Variants in HDGF observed in about 807,000 individuals in gnomAD.
HDGF encodes heparin binding growth factor.
HDGF carries 5 observed loss-of-function variants against 30.0 expected under a neutral mutation model. The ratio of observed to expected loss-of-function variants is 0.17; its 90% CI spans 0.09 to 0.35. The LOEUF (loss-of-function observed/expected upper bound fraction) is 0.35, where lower values mean the gene tolerates loss of function less well. Among genes scored for constraint, HDGF ranks in the 10% least tolerant of loss-of-function variants. The pLI is 1.00. For missense variants in HDGF, 214 were observed against 302.8 expected (o/e 0.71, Z 2.18); for synonymous variants, 133 against 112.7 (o/e 1.18, Z -1.14).
chr1:156,761,839 C>A (rs372396007), intron 1 of HDGF, among the ~76,000 whole-genome samples: 4 of 133,676 alleles, frequency 3.0e-5, no homozygotes, highest in African/African-American at 8.6e-5. Context: ...CCCAGCTACT[C>A]GGGAGGCTGA....
At chr1:156,753,114 T>C (rs1331213476), upstream of HDGF, among the ~76,000 whole-genome samples, 2 of 152,242 alleles carry the variant, frequency 1.3e-5, no homozygotes, top group African/African-American at 4.8e-5. Context: ...AGGGGATGCC[T>C]GCAGTTGTTC....
intron 4 of HDGF, 85 bp downstream of exon 4, chr1:156,744,078 C>A: frequency 7.0e-7 from 1 of 1,420,464 alleles, no homozygotes; most frequent in Admixed American, 1.7e-5. Context: ...TCAGACTGGG[C>A]ACCCCTGAGG....
chr1:156,757,048 C>A (rs1380960870), upstream of HDGF, among the ~76,000 whole-genome samples: 2 of 152,102 alleles, frequency 1.3e-5, no homozygotes, highest in African/African-American at 4.8e-5. Context: ...CTCCCTCAGC[C>A]TCCCAAAGTG....
upstream of HDGF, among the ~76,000 whole-genome samples, chr1:156,767,099 G>T (rs1039853865): frequency 3.3e-5 from 5 of 152,144 alleles, no homozygotes; most frequent in Non-Finnish European, 7.3e-5. Context: ...TTCATTTACA[G>T]ATCACTTTGC....
chr1:156,747,866 C>T (rs774106531), intron 1 of HDGF, among the ~76,000 whole-genome samples: 36 of 152,134 alleles, frequency 2.4e-4, no homozygotes, highest in Non-Finnish European at 3.8e-4. Flanking sequence ...GCCACCGTCT[C>T]GTGCCACCCC....
chr1:156,761,722 C>T (rs891781809), intron 1 of HDGF, among the ~76,000 whole-genome samples: 6 of 149,538 alleles, frequency 4.0e-5, no homozygotes, highest in South Asian at 2.1e-4. Flanking sequence ...CTGAGGCGGG[C>T]GGATCTTGAG....
upstream of HDGF, among the ~76,000 whole-genome samples, chr1:156,756,290 G>C (rs1239960625): frequency 6.6e-6 from 1 of 152,148 alleles, no homozygotes; most frequent in Non-Finnish European, 1.5e-5. Flanking sequence ...TCTTTGCACA[G>C]AGCCTGGGAC....
In HDGF at chr1:156,766,182, A is replaced by T. The variant is rs994354025; in HGVS notation, n.136+608T>A. 1.3e-4 allele frequency among the ~76,000 whole-genome samples: 20 copies of T among 152,272 alleles called. 1 individual carries two copies. The highest frequency in any genetic ancestry group is 4.8e-4 in the African/African-American group (20 of 41,546). On this transcript the variant is annotated intron_variant and non_coding_transcript_variant, in intron 1 of 7. Coordinates refer to the HDGF transcript ENST00000465180. ...CTGAAGGGTGGAGAGGTTGGGGAGG[A>T]GGTGCCCCATATCAGGCTCGTCTGA... is the stretch of plus-strand genomic sequence containing the variant.
chr1:156,765,169 C>A (rs1651332734), intron 1 of HDGF, among the ~76,000 whole-genome samples: 1 of 149,888 alleles, frequency 6.7e-6, no homozygotes, highest in African/African-American at 2.4e-5. Context: ...CTTGGCTCAC[C>A]ACAACCTCCG....
intron 1 of HDGF, 103 bp from the exon 2 acceptor site, chr1:156,745,476 A>T: frequency 1.1e-6 from 1 of 943,364 alleles, no homozygotes; most frequent in Non-Finnish European, 1.6e-6. Context: ...TCAGACTGAG[A>T]GGGACCCAGG....
chr1:156,750,224 C>T (rs1393888121), intron 1 of HDGF, among the ~76,000 whole-genome samples: 1 of 152,062 alleles, frequency 6.6e-6, no homozygotes, highest in African/African-American at 2.4e-5. Context: ...GTCCTTCTGC[C>T]CTTGGATTTT....
chr1:156,763,053 A>G (rs976355592), intron 1 of HDGF, among the ~76,000 whole-genome samples: 3 of 152,126 alleles, frequency 2.0e-5, no homozygotes, highest in African/African-American at 7.2e-5. Flanking sequence ...TCCACCTTCC[A>G]AAATGTTGTT....
At position 156,751,282 on chromosome 1, in the gene HDGF, T is replaced by C. The variant is rs1055237386; in HGVS notation, c.87+61A>G. The C allele has an allele frequency of 1.2e-5, 19 of 1,562,880 alleles. No homozygotes were observed. The Admixed American group carries it at 3.2e-4, about 27-fold the overall frequency. On this transcript the variant is annotated intron_variant, in intron 1 of 5. Transcript: ENST00000357325. This position sits in a 1 kb window ranked among gnomAD's most constrained non-coding sequence, Gnocchi z 4.7. ...GCTCCGCGCGGAGCGCTCGTGCCCT[T>C]CCCGGTGTTATGCAACCCAAGCCCG...
chr1:156,744,897 C>T lies in HDGF; in HGVS notation c.303+111G>A. The stretch of plus-strand genomic sequence containing the variant: ...CCCACCACCCTGATTAGCTCCTACC[C>T]TGAAAGCCCTGGAGTTTCTGAAGAC... On this transcript the variant is annotated intron_variant, in intron 3 of 5. Coordinates refer to ENST00000357325, the MANE Select transcript of HDGF (RefSeq NM_004494.3). The T allele has an allele frequency of 5.3e-6, 7 of 1,312,000 alleles. No homozygotes were observed. In the South Asian group the frequency reaches 9.1e-5, roughly 17 times the overall value. 81.3% of individuals were successfully genotyped at this position (1,312,000 alleles called of 1,614,324 possible). A position where few individuals can be genotyped will look rare whatever the true frequency, so the allele number is the denominator to read the frequency against.
upstream of HDGF, among the ~76,000 whole-genome samples, chr1:156,757,013 G>A (rs1478872214): frequency 2.0e-5 from 3 of 151,736 alleles, no homozygotes; most frequent in Non-Finnish European, 4.4e-5. Context: ...GGCTGGTCTC[G>A]AACTCCTGAC....
At position 156,743,639 on chromosome 1, in the gene HDGF, G is replaced by A. The variant is rs1447845228; in HGVS notation, c.716+13C>T. The A allele has an allele frequency of 6.2e-7, 1 of 1,601,470 alleles. No individual in the cohort carries two copies. The highest frequency in any genetic ancestry group is 8.6e-7 in the Non-Finnish European group (1 of 1,168,652). On this transcript the variant is annotated intron_variant, in intron 5 of 5. Coordinates refer to ENST00000357325, the MANE Select transcript of HDGF (RefSeq NM_004494.3). Reference sequence around the variant, plus strand: ...CCTAGTCCAGCTGCCAAGGGGTCAGGGGGCTCACTCACCTCTCATGATCTC... The same window carrying A: ...CCTAGTCCAGCTGCCAAGGGGTCAGAGGGCTCACTCACCTCTCATGATCTC...
chr1:156,744,060 T>C (rs1454981057), intron 4 of HDGF, 103 bp downstream of exon 4: 1 of 1,257,002 alleles, frequency 8.0e-7, no homozygotes, highest in African/African-American at 1.5e-5. Context: ...AGGGGCTGGA[T>C]CGACCTCTCA....
chr1:156,744,035 G>C, intron 4 of HDGF, 128 bp downstream of exon 4: 1 of 1,110,242 alleles, frequency 9.0e-7, no homozygotes, highest in Non-Finnish European at 1.4e-6. Context: ...GGTCAGCTGG[G>C]GACTCCCCAA....
At chr1:156,764,080 T>TG in intron 1 of HDGF, among the ~76,000 whole-genome samples, 1 of 50,430 alleles carries the variant, frequency 2.0e-5, no homozygotes. Flanking sequence ...TTTTTTTCTG[T>TG]TTTTGTTTGT....
Sources: gnomAD v4.1 joint callset for allele counts (sites outside exome capture counted in the v4.1 genomes callset) on GRCh38, gnomAD v4.1.1 for gene constraint, Gnocchi (gnomAD v3.1) non-coding constraint, MANE v1.5 for transcripts, NCBI Gene and HGNC (gene_info 2026-07-23, HGNC 2026-07-21) for gene names.